The following PARVB variants were observed in gnomAD, a reference collection of about 807,000 sequenced individuals.
PARVB encodes beta-parvin.
PARVB carries 46 observed loss-of-function variants against 47.0 expected under a neutral mutation model. The observed-to-expected ratio is 0.98, with a 90% confidence interval of 0.77 to 1.25. The LOEUF (loss-of-function observed/expected upper bound fraction) is 1.25, where lower values mean the gene tolerates loss of function less well. Ranked by LOEUF, PARVB falls within the 50% of genes most tolerant of loss-of-function variation. The pLI is 0.00. For missense variants in PARVB, 473 were observed against 471.6 expected (o/e 1.00, Z -0.03); for synonymous variants, 196 against 196.3 (o/e 1.00, Z 0.01).
chr22:44,081,009 C>T (rs1192276696), intron 1 of PARVB, among the ~76,000 whole-genome samples: 2 of 152,158 alleles, frequency 1.3e-5, no homozygotes, highest in African/African-American at 4.8e-5. Context: ...TGGAGTGACT[C>T]TCCACCTGCC....
At chr22:44,004,002 CT>C (rs1469574760) in intron 2 of PARVB, among the ~76,000 whole-genome samples, 3 of 152,200 alleles carry the variant, frequency 2.0e-5, no homozygotes, top group Non-Finnish European at 4.4e-5. Context: ...GTTTGGAGAA[CT>C]TTGCCAGGTG....
intron 2 of PARVB, among the ~76,000 whole-genome samples, chr22:44,094,578 CG>C: frequency 6.9e-6 from 1 of 145,922 alleles, no homozygotes; most frequent in East Asian, 1.9e-4. Flanking sequence ...CAGCCTTTAC[CG>C]TCCAGGTTCA....
At chr22:44,122,562 C>CAGAGAGAGAG (rs55865160) in intron 4 of PARVB, among the ~76,000 whole-genome samples, 17 of 78,794 alleles carry the variant, frequency 2.2e-4, no homozygotes, top group East Asian at 4.0e-4. Context: ...GACACAGAGA[C>CAGAGAGAGAG]AGAGAGAGAG....
At chr22:44,011,791 G>A (rs1006434912) in intron 2 of PARVB, among the ~76,000 whole-genome samples, 9 of 152,036 alleles carry the variant, frequency 5.9e-5, no homozygotes, top group Non-Finnish European at 1.3e-4. Context: ...CGTAGAGCAA[G>A]TTCCCTCCCA....
At chr22:44,156,794 T>G (rs1419357862) in intron 10 of PARVB, among the ~76,000 whole-genome samples, 1 of 152,190 alleles carries the variant, frequency 6.6e-6, no homozygotes, top group Non-Finnish European at 1.5e-5. Flanking sequence ...GGATATGCGA[T>G]TCCACTTACG....
intron 2 of PARVB, among the ~76,000 whole-genome samples, chr22:44,009,838 TTC>T (rs2050504541): frequency 6.6e-6 from 1 of 151,140 alleles, no homozygotes; most frequent in Non-Finnish European, 1.5e-5. Flanking sequence ...GACGGAGTTT[TTC>T]TCTGTCACTG....
chr22:44,014,345 T>C (rs1156747331), intron 2 of PARVB, among the ~76,000 whole-genome samples: 1 of 152,182 alleles, frequency 6.6e-6, no homozygotes, highest in Non-Finnish European at 1.5e-5. Context: ...TAAGATTATA[T>C]GGAACTGGCC....
intron 8 of PARVB, chr22:44,142,827 G>A (rs2053584742): frequency 2.0e-5 from 3 of 152,202 alleles, no homozygotes; most frequent in South Asian, 2.1e-4. Context: ...GCTATTAGTC[G>A]GTGACAGGCA....
At chr22:44,130,513 C>T (rs2053285132) in intron 4 of PARVB, among the ~76,000 whole-genome samples, 1 of 152,204 alleles carries the variant, frequency 6.6e-6, no homozygotes. Flanking sequence ...TGTCTGTGCT[C>T]CTCCGGATTG....
At chr22:44,133,694 G>A (rs753247130) in intron 6 of PARVB, among the ~76,000 whole-genome samples, 11 of 151,880 alleles carry the variant, frequency 7.2e-5, no homozygotes, top group Non-Finnish European at 1.2e-4. Flanking sequence ...ACATGCCACC[G>A]TGCCTGGCTA....
chr22:44,048,530 C>G (rs1485573211), intron 1 of PARVB, among the ~76,000 whole-genome samples: 1 of 151,544 alleles, frequency 6.6e-6, no homozygotes, highest in Non-Finnish European at 1.5e-5. Flanking sequence ...CACCACCATG[C>G]CCGGATAATT....
chr22:44,095,183 C>T (rs1398621897), intron 2 of PARVB, among the ~76,000 whole-genome samples: 1 of 152,026 alleles, frequency 6.6e-6, no homozygotes, highest in Non-Finnish European at 1.5e-5. Flanking sequence ...TCTCCAGAGT[C>T]AGCAAGGCCC....
At chr22:44,045,004 C>T (rs559459186) in intron 1 of PARVB, among the ~76,000 whole-genome samples, 17 of 152,172 alleles carry the variant, frequency 1.1e-4, no homozygotes, top group South Asian at 4.2e-4. Flanking sequence ...TTTGGGAGGC[C>T]GAGGCAGGAG....
chr22:44,090,780 G>C (rs1465792094), intron 1 of PARVB, among the ~76,000 whole-genome samples: 3 of 152,196 alleles, frequency 2.0e-5, no homozygotes, highest in Non-Finnish European at 4.4e-5. Flanking sequence ...GTGCTGGACG[G>C]GACCTCCCTG....
In PARVB at chr22:44,163,896, C is replaced by G. The variant is rs146183248; in HGVS notation, c.984C>G (p.Asp328Glu). ...CCTTCGCCTTTGAGCTGATGCTGGA[C>G]GGAGGCCTCAAGAAACCCAAGGCTC... ...NVSFAFELML[D>E]GGLKKPKARP... Residue 328 changes from aspartate (D) to glutamate (E), a missense_variant, in exon 12 of 13, where the codon GAC becomes GAG. Physicochemically the swap from Asp to Glu is conservative, Grantham distance 45. Coordinates refer to ENST00000338758, the MANE Select transcript of PARVB (RefSeq NM_013327.5). 1 of 1,611,246 alleles carries G rather than the reference C, an allele frequency of 6.2e-7. No homozygotes were observed. The highest frequency in any genetic ancestry group is 8.5e-7 in the Non-Finnish European group (1 of 1,178,802).
rs183013426 is a variant in PARVB at position 44,131,534 on chromosome 22, G to A, written c.424G>A (p.Glu142Lys). ...GAATGTGGCTGAGGTGACACAGTCC[G>A]AAATAGGGCAGAAACAGAAGCTGCA... ...KLNVAEVTQS[E>K]IGQKQKLQTV... Residue 142 changes from glutamate (E) to lysine (K), a missense_variant, in exon 5 of 13, where the codon GAA becomes AAA. Transcript: ENST00000338758. 194 of 1,614,122 alleles carry A rather than the reference G, an allele frequency of 1.2e-4. No individual in the cohort carries two copies. Among genetic ancestry groups the A allele is most frequent in the Middle Eastern group, 1.7e-4 (1 of 6,060 alleles).
chr22:44,148,084 A>T, intron 9 of PARVB, 162 bp downstream of exon 9: 2 of 656,692 alleles, frequency 3.0e-6, no homozygotes, highest in South Asian at 3.5e-5. Flanking sequence ...ACCACAGTGC[A>T]TAAAATCAGC....
chr22:44,021,759 TCACACACACACACACACACACACACA>T (rs3223605), upstream of PARVB, among the ~76,000 whole-genome samples: 30 of 102,788 alleles, frequency 2.9e-4, 1 homozygote, highest in African/African-American at 8.1e-4. Flanking sequence ...AAGTCTAGAC[TCACACACACACACACACACACACACA>T]CACACACACA....
intron 1 of PARVB, among the ~76,000 whole-genome samples, chr22:44,063,923 G>C (rs1467887289): frequency 1.3e-5 from 2 of 152,206 alleles, no homozygotes; most frequent in Non-Finnish European, 2.9e-5. Flanking sequence ...GGCCTCCCCG[G>C]CTTCCCATTC....
Sources: allele counts gnomAD v4.1 joint callset (sites outside exome capture counted in the v4.1 genomes callset), GRCh38; gene constraint gnomAD v4.1.1; transcripts MANE v1.5; gene names NCBI Gene and HGNC (gene_info 2026-07-23, HGNC 2026-07-21).